MYO1B: variants seen among roughly 807,000 people sequenced by gnomAD.
MYO1B encodes unconventional myosin-Ib.
In MYO1B, 72 loss-of-function variants were observed where a neutral mutation model predicts 159.7. The ratio of observed to expected loss-of-function variants is 0.45; its 90% CI spans 0.37 to 0.55. The LOEUF (loss-of-function observed/expected upper bound fraction) is 0.55, where lower values mean the gene tolerates loss of function less well. MYO1B is among the 20% of genes least tolerant of loss of function. The probability of loss-of-function intolerance (pLI) is 0.00; values close to 1 mark genes in which losing one functional copy is unlikely to be tolerated. For missense variants in MYO1B, 1,062 were observed against 1,364.8 expected (o/e 0.78, Z 3.50); for synonymous variants, 468 against 473.8 (o/e 0.99, Z 0.16).
chr2:191,254,175 G>C (rs994639349), intron 1 of MYO1B, among the ~76,000 whole-genome samples: 1 of 151,984 alleles, frequency 6.6e-6, no homozygotes, highest in African/African-American at 2.4e-5. Flanking sequence ...AAATAACTTA[G>C]CCTTTATTGA....
At chr2:191,344,097 C>CCACA (rs1218832914) in intron 5 of MYO1B, among the ~76,000 whole-genome samples, 2 of 152,176 alleles carry the variant, frequency 1.3e-5, no homozygotes, top group Non-Finnish European at 1.5e-5. Context: ...GACCTTCAAG[C>CCACA]CACAATAAAC....
intron 1 of MYO1B, among the ~76,000 whole-genome samples, chr2:191,253,887 CTTCT>C (rs1274906008): frequency 6.6e-6 from 1 of 152,118 alleles, no homozygotes; most frequent in African/African-American, 2.4e-5. Flanking sequence ...ACCTCATAAG[CTTCT>C]TTAATAGTTC....
At chr2:191,295,735 G>A (rs1490165493) in intron 2 of MYO1B, among the ~76,000 whole-genome samples, 1 of 152,032 alleles carries the variant, frequency 6.6e-6, no homozygotes, top group East Asian at 1.9e-4. Context: ...AGAGAAGAAG[G>A]GGAACTATAG....
At chr2:191,347,270 A>G (rs1692628512) in intron 6 of MYO1B, among the ~76,000 whole-genome samples, 1 of 152,200 alleles carries the variant, frequency 6.6e-6, no homozygotes, top group East Asian at 1.9e-4. Flanking sequence ...GGCAGGCTAA[A>G]TAAGGTTCCT....
At chr2:191,314,335 T>G (rs1690212108) in intron 3 of MYO1B, among the ~76,000 whole-genome samples, 2 of 152,232 alleles carry the variant, frequency 1.3e-5, no homozygotes, top group South Asian at 4.1e-4. Flanking sequence ...TTTCTAATAG[T>G]GTTATAGTTG....
In MYO1B at chr2:191,383,547, C is replaced by T. The variant is rs1487206606; in HGVS notation, c.1353+205C>T. Among the ~76,000 whole-genome samples the T allele has an allele frequency of 4.2e-3, 61 of 14,540 alleles. No individual in the cohort carries two copies. The East Asian group carries it at 0.046, about 11-fold the overall frequency. 9.5% of individuals were successfully genotyped at this position (14,540 alleles called of 152,430 possible). Reference sequence around the variant, plus strand: ...ACACACACACACACACACACACACACATATATATATATGTTAAGGAACTGC... The same window carrying T: ...ACACACACACACACACACACACACATATATATATATATGTTAAGGAACTGC... On this transcript the variant is annotated intron_variant, in intron 15 of 30. Transcript: ENST00000392318.
intron 3 of MYO1B, among the ~76,000 whole-genome samples, chr2:191,319,834 A>G (rs1296144110): frequency 6.6e-6 from 1 of 152,190 alleles, no homozygotes; most frequent in Non-Finnish European, 1.5e-5. Context: ...AAATGTTTAA[A>G]TGTATGAAGT....
At chr2:191,276,421 T>C (rs961836050) in intron 1 of MYO1B, among the ~76,000 whole-genome samples, 10 of 152,228 alleles carry the variant, frequency 6.6e-5, no homozygotes, top group African/African-American at 2.4e-4. Context: ...GTTCAATTAA[T>C]GTAAAGTTCT....
chr2:191,383,476 A>ATATG (rs1695189513), intron 15 of MYO1B, 134 bp downstream of exon 15: 1 of 10,132 alleles, frequency 9.9e-5, no homozygotes, highest in Non-Finnish European at 1.7e-3. Flanking sequence ...ATATATATAC[A>ATATG]CACACACATA....
chr2:191,329,552 T>C (rs1559173131), intron 3 of MYO1B, among the ~76,000 whole-genome samples: 1 of 150,608 alleles, frequency 6.6e-6, no homozygotes, highest in Non-Finnish European at 1.5e-5. Context: ...TAACAACCCA[T>C]AAATGTAGCT....
chr2:191,313,185 C>A (rs1239770107), intron 3 of MYO1B, among the ~76,000 whole-genome samples: 2 of 117,748 alleles, frequency 1.7e-5, no homozygotes, highest in Admixed American at 9.8e-5. Context: ...ATATCTGGCA[C>A]ACATGGCTTT....
Position 191,386,032 on chromosome 2 carries a change from A to C in MYO1B, c.1502A>C (p.Asn501Thr). ...ATGAGCAAGTGCTCTCGGTTCCTCAATGACACGTCTCTGCCTCACAGCTGC... is the reference window on the plus strand; with the variant it reads ...ATGAGCAAGTGCTCTCGGTTCCTCACTGACACGTCTCTGCCTCACAGCTGC... ...SRMSKCSRFL[N>T]DTSLPHSCFR... is the part of the protein sequence containing the mutation. Residue 501 changes from asparagine to threonine, a missense_variant, in exon 16 of 31, where the codon AAT becomes ACT. By Grantham distance (65) the Asn-to-Thr change is moderately conservative. Transcript: ENST00000392318. 1.2e-6 allele frequency: 2 copies of C among 1,614,126 alleles called. No individual in the cohort carries two copies. Among genetic ancestry groups the C allele is most frequent in the South Asian group, 2.2e-5 (2 of 91,074 alleles).
At chr2:191,401,124 C>T (rs924480651) in intron 23 of MYO1B, among the ~76,000 whole-genome samples, 1 of 149,482 alleles carries the variant, frequency 6.7e-6, no homozygotes, top group Non-Finnish European at 1.5e-5. Flanking sequence ...TGTTTAGGTT[C>T]CCCCCCGCCC....
intron 30 of MYO1B, among the ~76,000 whole-genome samples, chr2:191,422,248 G>T (rs777014457): frequency 6.6e-5 from 10 of 152,156 alleles, no homozygotes; most frequent in African/African-American, 9.7e-5. Flanking sequence ...TAATTATGAG[G>T]GTAGAGAGAA....
chr2:191,400,253 T>C, intron 21 of MYO1B, 129 bp from the exon 22 acceptor site: 2 of 1,006,784 alleles, frequency 2.0e-6, no homozygotes, highest in Non-Finnish European at 3.1e-6. Context: ...ACCTTCGCCT[T>C]CTTTAACCTG....
chr2:191,254,878 T>C, intron 1 of MYO1B, among the ~76,000 whole-genome samples: 1 of 152,200 alleles, frequency 6.6e-6, no homozygotes. Context: ...ACTCATCAAA[T>C]GTTTAGGTGC....
At chr2:191,284,549 T>C (rs1017247108) in intron 2 of MYO1B, among the ~76,000 whole-genome samples, 3 of 152,206 alleles carry the variant, frequency 2.0e-5, no homozygotes, top group African/African-American at 7.2e-5. Flanking sequence ...TATCACATGA[T>C]GAAAGTGGAG....
At chr2:191,366,808 C>G (rs1199207268) in intron 11 of MYO1B, among the ~76,000 whole-genome samples, 1 of 151,974 alleles carries the variant, frequency 6.6e-6, no homozygotes, top group Non-Finnish European at 1.5e-5. Context: ...TGTGCCCTAT[C>G]CTAGGAGACT....
At chr2:191,381,714 A>G (rs937763698) in intron 14 of MYO1B, 148 bp downstream of exon 14, 5 of 618,928 alleles carry the variant, frequency 8.1e-6, no homozygotes, top group South Asian at 2.0e-5. Context: ...AGGCAAAGCT[A>G]TAGAGACTGA....
Sources: gnomAD v4.1 joint callset for allele counts (sites outside exome capture counted in the v4.1 genomes callset) on GRCh38, gnomAD v4.1.1 for gene constraint, MANE v1.5 for transcripts, NCBI Gene and HGNC (gene_info 2026-07-23, HGNC 2026-07-21) for gene names.